The following CYFIP2 variants were observed in gnomAD, a reference collection of about 807,000 sequenced individuals.
CYFIP2 encodes the protein cytoplasmic FMR1 interacting protein 2.
A neutral mutation model predicts 158.7 loss-of-function variants in CYFIP2; 29 were observed. That is an observed-to-expected ratio of 0.18 (90% confidence interval 0.14 to 0.25). The LOEUF is 0.25. Among genes scored for constraint, CYFIP2 ranks in the 10% least tolerant of loss-of-function variants. CYFIP2 has a pLI of 1.00. For synonymous variants in CYFIP2, 585 were observed against 617.6 expected (o/e 0.95, Z 0.78); for missense variants, 852 against 1,639.5 (o/e 0.52, Z 8.29).
At chr5:157,341,927 C>T (rs574813073) in intron 23 of CYFIP2, 2 of 152,398 alleles carry the variant, frequency 1.3e-5, no homozygotes, top group East Asian at 3.9e-4. Context: ...TGAGGTGGTT[C>T]ACAGACATGG....
intron 19 of CYFIP2, 103 bp from the exon 20 acceptor site, chr5:157,330,639 G>A: frequency 2.4e-6 from 2 of 842,014 alleles, no homozygotes; most frequent in Admixed American, 4.8e-5. Flanking sequence ...ATATAAGATA[G>A]TGCTCTGTGG....
intron 3 of CYFIP2, among the ~76,000 whole-genome samples, chr5:157,290,868 A>G (rs368122750): frequency 6.6e-6 from 1 of 152,232 alleles, no homozygotes; most frequent in East Asian, 1.9e-4. Flanking sequence ...AGGACAGGAT[A>G]GCCAGAGAAA....
chr5:157,325,826 C>T (rs1760979324), intron 17 of CYFIP2, 188 bp downstream of exon 17: 2 of 632,058 alleles, frequency 3.2e-6, no homozygotes, highest in Non-Finnish European at 5.1e-6. Context: ...TCTGAAGTTT[C>T]CCAGCCCAAC....
chr5:157,325,645 G>A lies in CYFIP2; in HGVS notation c.1982+7G>A, dbSNP rs763373479. The A allele has an allele frequency of 1.4e-5, 23 of 1,592,898 alleles. No individual in the cohort carries two copies. The African/African-American group carries it at 1.6e-4, about 11-fold the overall frequency. On this transcript the variant is annotated splice_region_variant and intron_variant, in intron 17 of 30. Coordinates refer to ENST00000620254, the MANE Select transcript of CYFIP2 (RefSeq NM_001037333.3). ...AAGAACCTTCCATGATGGAGTAAGAGGCAGGATTGGGCCAGCAAGTGGCTC... is the reference window on the plus strand; with the variant it reads ...AAGAACCTTCCATGATGGAGTAAGAAGCAGGATTGGGCCAGCAAGTGGCTC...
At chr5:157,366,729 G>A (rs1764407590) in intron 26 of CYFIP2, among the ~76,000 whole-genome samples, 1 of 152,162 alleles carries the variant, frequency 6.6e-6, no homozygotes, top group African/African-American at 2.4e-5. Flanking sequence ...CATTTGTTAA[G>A]TATTTTTATA....
intron 28 of CYFIP2, 125 bp from the exon 29 acceptor site, chr5:157,389,064 A>G: frequency 1.1e-6 from 1 of 876,664 alleles, no homozygotes; most frequent in Non-Finnish European, 1.7e-6. Flanking sequence ...CCTGCTCTGA[A>G]CAAGACCAGT....
chr5:157,390,482 CGA>C, intron 29 of CYFIP2, 37 bp from the exon 30 acceptor site: 3 of 1,530,700 alleles, frequency 2.0e-6, no homozygotes, highest in Non-Finnish European at 1.8e-6. Context: ...CCTCCTCCCC[CGA>C]CCTCTCACTC....
chr5:157,353,651 G>C (rs979955980), intron 23 of CYFIP2, among the ~76,000 whole-genome samples: 2 of 152,208 alleles, frequency 1.3e-5, no homozygotes, highest in Admixed American at 1.3e-4. Flanking sequence ...GGACGATGCT[G>C]CTGTTTTATT....
At chr5:157,335,806 AT>A (rs950102136) in intron 21 of CYFIP2, among the ~76,000 whole-genome samples, 6 of 150,888 alleles carry the variant, frequency 4.0e-5, no homozygotes, top group African/African-American at 1.5e-4. Flanking sequence ...AAGTGGCGGG[AT>A]TTTTTTTTCT....
intron 1 of CYFIP2, among the ~76,000 whole-genome samples, chr5:157,276,013 G>A: frequency 6.6e-6 from 1 of 152,120 alleles, no homozygotes; most frequent in East Asian, 1.9e-4. Context: ...CTACAAACTT[G>A]CTGAACTTGT....
intron 13 of CYFIP2, among the ~76,000 whole-genome samples, chr5:157,318,857 A>C (rs1760361606): frequency 6.6e-6 from 1 of 152,202 alleles, no homozygotes; most frequent in Non-Finnish European, 1.5e-5. Flanking sequence ...TCAATTGAGA[A>C]ATTAATATTA....
In CYFIP2 at chr5:157,390,292, G is replaced by C. The variant is rs147880124; in HGVS notation, c.3447-229G>C. Among the ~76,000 whole-genome samples the C allele has an allele frequency of 2.8e-3, 423 of 150,572 alleles. 2 individuals carry two copies. Among genetic ancestry groups the C allele is most frequent in the African/African-American group, 0.01 (412 of 40,914 alleles). ...GCTGATTTTTTTTTTTTTTACATTA[G>C]TGATGCAAATGTAATTTGTGGCCGG... On this transcript the variant is annotated intron_variant, in intron 29 of 30. Transcript: ENST00000620254.
Position 157,296,785 on chromosome 5 carries a change from A to AGG in CYFIP2, c.387+14_387+15dup, listed in dbSNP as rs1356320482. ...TTCATGTATTTTCAGGTGAGTGGGG[A>AGG]GGGGCAGGTCTGCATCTGGAGAACT... On this transcript the variant is annotated intron_variant, in intron 5 of 30. Transcript: ENST00000620254. The AGG allele has an allele frequency of 6.2e-7, 1 of 1,609,066 alleles. No individual in the cohort carries two copies. Among genetic ancestry groups the AGG allele is most frequent in the South Asian group, 1.1e-5 (1 of 90,858 alleles).
At chr5:157,366,095 TA>T (rs752529853) in intron 26 of CYFIP2, among the ~76,000 whole-genome samples, 1 of 152,200 alleles carries the variant, frequency 6.6e-6, no homozygotes, top group Non-Finnish European at 1.5e-5. Context: ...GTATGAGAGT[TA>T]TCATTTCTTT....
chr5:157,351,339 C>T (rs1385239561), intron 23 of CYFIP2, among the ~76,000 whole-genome samples: 1 of 152,200 alleles, frequency 6.6e-6, no homozygotes, highest in East Asian at 1.9e-4. Context: ...AGTTTACACC[C>T]TGAATTGCAT....
At position 157,360,332 on chromosome 5, in the gene CYFIP2, C is replaced by T. The variant is rs754292659; in HGVS notation, c.2868C>T (p.Pro956=). 23 of 1,613,730 alleles carry T rather than the reference C, an allele frequency of 1.4e-5. No individual in the cohort carries two copies. In the Admixed American group the frequency reaches 3.2e-4, roughly 22 times the overall value. Reference sequence around the variant, plus strand: ...TGAAAACACTGATAGAGGTGATGCCCAAGATATGCCGCTTGCCCCGACATG... The same window carrying T: ...TGAAAACACTGATAGAGGTGATGCCTAAGATATGCCGCTTGCCCCGACATG... The part of the protein sequence containing the change: ...QYVKTLIEVM[P]KICRLPRHEY... Residue 956 remains proline, a synonymous_variant, in exon 25 of 31, where the codon CCC becomes CCT. Transcript: ENST00000620254.
At chr5:157,277,321 G>C (rs1224121710) in intron 1 of CYFIP2, 2 of 152,368 alleles carry the variant, frequency 1.3e-5, no homozygotes, top group Non-Finnish European at 2.9e-5. Context: ...ATGAGCCACT[G>C]AGTCTGGCCT....
chr5:157,392,662 G>A (rs760790065), intron 30 of CYFIP2, among the ~76,000 whole-genome samples, 171 bp from the exon 31 acceptor site: 11 of 152,056 alleles, frequency 7.2e-5, no homozygotes, highest in Non-Finnish European at 1.5e-4. Flanking sequence ...GGGTTTTTAC[G>A]GTCCAGTTAA....
At chr5:157,313,834 G>T (rs1019136435) in intron 11 of CYFIP2, among the ~76,000 whole-genome samples, 2 of 152,174 alleles carry the variant, frequency 1.3e-5, no homozygotes, top group African/African-American at 4.8e-5. Flanking sequence ...TGTCTAATGA[G>T]TTGTGAAATC....
Sources: gnomAD v4.1 joint callset for allele counts (sites outside exome capture counted in the v4.1 genomes callset) on GRCh38, gnomAD v4.1.1 for gene constraint, MANE v1.5 for transcripts, NCBI Gene and HGNC (gene_info 2026-07-23, HGNC 2026-07-21) for gene names.